Variants in UBAC2 observed in about 807,000 individuals in gnomAD.
UBAC2 encodes UBA domain containing 2.
Under a neutral mutation model 44.0 loss-of-function variants are expected in UBAC2, and 26 were observed. The observed-to-expected ratio is 0.59, with a 90% CI of 0.43 to 0.82. UBAC2 has a LOEUF of 0.82. Ranked by LOEUF, UBAC2 falls within the 40% of genes least tolerant of loss-of-function variation. The pLI is 0.00. For synonymous variants in UBAC2, 155 were observed against 154.3 expected, an observed-to-expected ratio of 1.00 and a Z score of -0.04; for missense variants, 329 against 419.4, an observed-to-expected ratio of 0.78 and a Z score of 1.88.
chr13:99,247,634 A>G (rs927842611), intron 4 of UBAC2, among the ~76,000 whole-genome samples: 1 of 152,170 alleles, frequency 6.6e-6, no homozygotes, highest in African/African-American at 2.4e-5. Context: ...TACCTAATGC[A>G]TATGAGGCTT....
intron 1 of UBAC2, among the ~76,000 whole-genome samples, chr13:99,213,881 G>A (rs544258629): frequency 2.0e-5 from 3 of 152,102 alleles, no homozygotes; most frequent in Non-Finnish European, 2.9e-5. Flanking sequence ...GTATAGTGGC[G>A]TGATCTCAGC....
intron 1 of UBAC2, among the ~76,000 whole-genome samples, chr13:99,231,043 G>C (rs75821566): frequency 1.3e-5 from 2 of 149,594 alleles, no homozygotes; most frequent in African/African-American, 4.9e-5. Flanking sequence ...GGGAGACTCC[G>C]TCTCAAAAAA....
At chr13:99,248,556 G>A (rs1434729445) in intron 4 of UBAC2, among the ~76,000 whole-genome samples, 1 of 151,932 alleles carries the variant, frequency 6.6e-6, no homozygotes, top group East Asian at 1.9e-4. Context: ...TATTTTTTTT[G>A]TATTTTTAAT....
chr13:99,290,090 A>G (rs2044069586), intron 4 of UBAC2, among the ~76,000 whole-genome samples: 1 of 152,150 alleles, frequency 6.6e-6, no homozygotes, highest in South Asian at 2.1e-4. Flanking sequence ...CAGACCCCAG[A>G]GTGTAGAGCC....
chr13:99,211,206 T>G (rs1425616177), intron 1 of UBAC2, among the ~76,000 whole-genome samples: 10 of 152,186 alleles, frequency 6.6e-5, no homozygotes, highest in African/African-American at 2.4e-4. Context: ...GTATTGTTAT[T>G]TTTCCCCTCC....
intron 6 of UBAC2, among the ~76,000 whole-genome samples, chr13:99,336,181 A>T (rs546804761): frequency 1.3e-5 from 2 of 152,266 alleles, no homozygotes; most frequent in South Asian, 2.1e-4. Context: ...ATATGCTTTT[A>T]AAACTGGGCT....
Position 99,242,775 on chromosome 13 carries a change from A to G in UBAC2, c.160-1057A>G, listed in dbSNP as rs374845632. On this transcript the variant is annotated intron_variant, in intron 2 of 8. Transcript: ENST00000403766. ...CGGACGGGGTGGCTGCCGGGCGGAG[A>G]CGCTCCTCACTTCCCAGACGGGGTG... Among the ~76,000 whole-genome samples the G allele has an allele frequency of 1.1e-3, 15 of 13,210 alleles. 1 individual carries two copies. Among genetic ancestry groups the G allele is most frequent in the South Asian group, 3.3e-3 (1 of 300 alleles). 8.7% of individuals were successfully genotyped at this position (13,210 alleles called of 152,430 possible).
intron 4 of UBAC2, among the ~76,000 whole-genome samples, chr13:99,281,267 G>T (rs964254464): frequency 2.6e-5 from 4 of 151,848 alleles, no homozygotes; most frequent in Admixed American, 1.3e-4. Flanking sequence ...TCACATTTGG[G>T]TTCAGTGATT....
chr13:99,310,258 T>G (rs2044394236), intron 4 of UBAC2, among the ~76,000 whole-genome samples: 1 of 152,158 alleles, frequency 6.6e-6, no homozygotes, highest in Non-Finnish European at 1.5e-5. Context: ...GCCTAGGAAT[T>G]AGAGGCTACA....
chr13:99,381,091 T>C (rs2045544692), intron 8 of UBAC2, among the ~76,000 whole-genome samples: 1 of 152,242 alleles, frequency 6.6e-6, no homozygotes, highest in South Asian at 2.1e-4. Flanking sequence ...CTCGTGTACA[T>C]AGAAAGCTTT....
At chr13:99,378,674 G>A (rs1213335308) in intron 8 of UBAC2, among the ~76,000 whole-genome samples, 2 of 152,162 alleles carry the variant, frequency 1.3e-5, no homozygotes, top group African/African-American at 4.8e-5. Context: ...CACCTTGTTC[G>A]TCATCATCAC....
chr13:99,314,128 T>C lies in UBAC2; in HGVS notation c.421T>C (p.Phe141Leu), dbSNP rs1206058219. ...LAPVFALFVP[F>L]YCSIPRVQVA... Reference sequence around the variant, plus strand: ...ACCTGTGTTTGCTCTGTTTGTACCATTTTACTGCTCCATACCAAGAGTCCA... The same window carrying C: ...ACCTGTGTTTGCTCTGTTTGTACCACTTTACTGCTCCATACCAAGAGTCCA... The change falls in exon 5 of 9, where the codon TTT becomes CTT. Residue 141 changes from phenylalanine to leucine, a missense_variant. Phe to Leu is a conservative substitution (Grantham distance 22). Transcript: ENST00000403766. 1.9e-6 allele frequency: 3 copies of C among 1,613,278 alleles called. No homozygotes were observed. In the African/African-American group the frequency reaches 4.0e-5, roughly 22 times the overall value.
chr13:99,382,997 G>A (rs893398659), intron 8 of UBAC2, among the ~76,000 whole-genome samples: 2 of 152,200 alleles, frequency 1.3e-5, no homozygotes, highest in African/African-American at 4.8e-5. Context: ...GGTTGTTCTC[G>A]GTTACTTCAA....
intron 8 of UBAC2, among the ~76,000 whole-genome samples, chr13:99,375,480 G>A (rs559467810): frequency 4.6e-5 from 7 of 152,314 alleles, no homozygotes; most frequent in Non-Finnish European, 1.5e-5. Flanking sequence ...CCAACAGGGT[G>A]TGCATGCTAC....
intron 4 of UBAC2, among the ~76,000 whole-genome samples, chr13:99,267,024 G>A (rs956631718): frequency 3.2e-4 from 48 of 151,968 alleles, no homozygotes; most frequent in African/African-American, 1.0e-3. Flanking sequence ...TCTCACACTC[G>A]CCCTTCCCTC....
chr13:99,246,479 C>G (rs2043384789), intron 4 of UBAC2, among the ~76,000 whole-genome samples: 1 of 150,492 alleles, frequency 6.6e-6, no homozygotes, highest in Non-Finnish European at 1.5e-5. Flanking sequence ...TTTTTGGTTC[C>G]TGTATAGCCT....
At chr13:99,314,325 C>A (rs967336698) in intron 5 of UBAC2, 105 bp downstream of exon 5, 7 of 1,315,452 alleles carry the variant, frequency 5.3e-6, no homozygotes, top group Non-Finnish European at 7.0e-6. Flanking sequence ...GGTTTTTTTC[C>A]CCCCATAATC....
At chr13:99,245,852 C>G (rs1004581580) in intron 4 of UBAC2, among the ~76,000 whole-genome samples, 12 of 151,442 alleles carry the variant, frequency 7.9e-5, no homozygotes, top group Non-Finnish European at 1.6e-4. Flanking sequence ...AAACAAAATA[C>G]CCCCAAAAAA....
intron 4 of UBAC2, among the ~76,000 whole-genome samples, chr13:99,245,562 C>CA (rs910434647): frequency 1.3e-5 from 2 of 151,862 alleles, no homozygotes; most frequent in Non-Finnish European, 2.9e-5. Context: ...AACAAACAAA[C>CA]AAAAAAACAG....
Sources: allele counts gnomAD v4.1 joint callset (sites outside exome capture counted in the v4.1 genomes callset), GRCh38; gene constraint gnomAD v4.1.1; transcripts MANE v1.5; gene names NCBI Gene and HGNC (gene_info 2026-07-23, HGNC 2026-07-21).